FBXW12: variants seen among roughly 807,000 people sequenced by gnomAD.
FBXW12 encodes the protein F-box/WD repeat-containing protein 12.
FBXW12 carries 43 observed loss-of-function variants against 55.3 expected under a neutral mutation model. The observed-to-expected ratio is 0.78, with a 90% CI of 0.61 to 1.00. The LOEUF is 1.00. FBXW12 is among the 50% of genes least tolerant of loss of function. The pLI, the probability that FBXW12 is intolerant of heterozygous loss-of-function variation, is 0.00. For synonymous variants in FBXW12, 184 were observed against 203.8 expected, an observed-to-expected ratio of 0.90 and a Z score of 0.83; for missense variants, 524 against 560.5, an observed-to-expected ratio of 0.93 and a Z score of 0.66.
intron 5 of FBXW12, 144 bp downstream of exon 5, chr3:48,375,616 T>C (rs1560030132): frequency 3.8e-5 from 23 of 610,616 alleles, no homozygotes; most frequent in Non-Finnish European, 5.5e-5. Context: ...ATGTAATTTG[T>C]GACCTTTTCA....
At chr3:48,382,852 T>C (rs1245173133) in intron 10 of FBXW12, among the ~76,000 whole-genome samples, 1 of 152,238 alleles carries the variant, frequency 6.6e-6, no homozygotes, top group African/African-American at 2.4e-5. Flanking sequence ...TATAGTGCTT[T>C]TTTGGCAACA....
chr3:48,375,944 A>AGAT (rs1211149624), intron 5 of FBXW12, among the ~76,000 whole-genome samples: 1 of 135,570 alleles, frequency 7.4e-6, no homozygotes, highest in Admixed American at 7.7e-5. Flanking sequence ...CAAAGTGCTG[A>AGAT]GATTACAGGC....
At chr3:48,375,202 G>C in intron 4 of FBXW12, 152 bp from the exon 5 acceptor site, 1 of 597,546 alleles carries the variant, frequency 1.7e-6, no homozygotes, top group Non-Finnish European at 2.9e-6. Flanking sequence ...GTGGGAACCT[G>C]TGTTTGGATG....
At chr3:48,377,401 C>G (rs1435899182) in intron 5 of FBXW12, among the ~76,000 whole-genome samples, 1 of 152,182 alleles carries the variant, frequency 6.6e-6, no homozygotes, top group Non-Finnish European at 1.5e-5. Flanking sequence ...CTCAAGCAGC[C>G]CTCCAGAAAG....
rs373364629 is a variant in FBXW12 at position 48,372,793 on chromosome 3, C to T, written c.26C>T (p.Ala9Val). The T allele has an allele frequency of 5.0e-6, 8 of 1,614,078 alleles. No homozygotes were observed. In the Admixed American group the frequency reaches 6.7e-5, roughly 13 times the overall value. ...ATGGAGATCCGATTGCCTGACTTAG[C>T]TTTGAAGCGAATCTTCTCTTTCCTG... is the stretch of plus-strand genomic sequence containing the variant. MEIRLPDL[A>V]LKRIFSFLDL... Residue 9 changes from alanine (A) to valine (V), a missense_variant, in exon 2 of 11, where the codon GCT becomes GTT. Transcript: ENST00000296438.
chr3:48,378,623 T>C (rs2036720141), intron 6 of FBXW12, 97 bp downstream of exon 6: 5 of 979,088 alleles, frequency 5.1e-6, no homozygotes, highest in Non-Finnish European at 5.9e-6. Context: ...CTTTTTTTTT[T>C]TTTTTTTTGG....
intron 5 of FBXW12, among the ~76,000 whole-genome samples, chr3:48,376,601 A>G (rs1302149166): frequency 6.6e-6 from 1 of 152,220 alleles, no homozygotes; most frequent in Non-Finnish European, 1.5e-5. Flanking sequence ...TGAGAGAAAC[A>G]CTGTCAGCTT....
rs184490751 is a variant in FBXW12, at chr3:48,372,270, C to G, written c.-135C>G. On this transcript the variant is annotated 5_prime_UTR_variant, in exon 1 of 11. Coordinates refer to ENST00000296438, the MANE Select transcript of FBXW12 (RefSeq NM_207102.2). ...ATGCGAGAAGGTAGAAACCCAGAGG[C>G]CATGCTGGCGCTGAGAGATGAGCCC... 3.9e-6 allele frequency: 6 copies of G among 1,551,936 alleles called. No homozygotes were observed. Among genetic ancestry groups the G allele is most frequent in the Non-Finnish European group, 4.4e-6 (5 of 1,147,040 alleles).
At chr3:48,394,088 A>AT (rs1243533874) in intron 10 of FBXW12, among the ~76,000 whole-genome samples, 1 of 151,868 alleles carries the variant, frequency 6.6e-6, no homozygotes, top group Non-Finnish European at 1.5e-5. Flanking sequence ...ACAAGATAAT[A>AT]TTTTTAAAAA....
At chr3:48,393,458 T>C (rs1421637970) in intron 10 of FBXW12, among the ~76,000 whole-genome samples, 2 of 152,180 alleles carry the variant, frequency 1.3e-5, no homozygotes, top group African/African-American at 4.8e-5. Context: ...CCTGGGCTTC[T>C]GGTGGAGAGG....
chr3:48,377,413 T>G (rs1204279438), intron 5 of FBXW12, among the ~76,000 whole-genome samples: 1 of 152,134 alleles, frequency 6.6e-6, no homozygotes, highest in Non-Finnish European at 1.5e-5. Flanking sequence ...TCCAGAAAGA[T>G]CTGTGTGGTG....
intron 5 of FBXW12, among the ~76,000 whole-genome samples, chr3:48,376,845 T>C (rs1254973271): frequency 1.3e-5 from 2 of 151,146 alleles, no homozygotes; most frequent in East Asian, 1.9e-4. Flanking sequence ...ATGTTTTCTA[T>C]TGGATTTCAA....
At chr3:48,387,032 G>T (rs2036857311) in intron 10 of FBXW12, among the ~76,000 whole-genome samples, 1 of 151,412 alleles carries the variant, frequency 6.6e-6, no homozygotes, top group Admixed American at 6.6e-5. Flanking sequence ...CCACCTCCTG[G>T]GTTCAAGCGA....
At chr3:48,388,133 G>C (rs1395984934) in intron 10 of FBXW12, among the ~76,000 whole-genome samples, 1 of 152,276 alleles carries the variant, frequency 6.6e-6, no homozygotes, top group South Asian at 2.1e-4. Flanking sequence ...TAGGGCCAGA[G>C]AGCATATTCC....
chr3:48,393,341 G>A (rs148708331), intron 10 of FBXW12, among the ~76,000 whole-genome samples: 9 of 152,206 alleles, frequency 5.9e-5, no homozygotes, highest in East Asian at 3.9e-4. Context: ...GGAGATAGTC[G>A]ACAGGACTCC....
At chr3:48,391,106 CAAAAAAAAAAAAAA>C (rs587685327) in intron 10 of FBXW12, among the ~76,000 whole-genome samples, 2 of 82,906 alleles carry the variant, frequency 2.4e-5, no homozygotes, top group African/African-American at 4.5e-5. Flanking sequence ...CCTGTCTCTA[CAAAAAAAAAAAAAA>C]AAAAAAAAAA....
At chr3:48,374,779 TTTTTTTTAA>T (rs1409620515) in intron 4 of FBXW12, among the ~76,000 whole-genome samples, 1 of 141,918 alleles carries the variant, frequency 7.0e-6, no homozygotes, top group Admixed American at 7.1e-5. Flanking sequence ...TTTTTTTTTT[TTTTTTTTAA>T]AAACAGAGTC....
At chr3:48,392,875 G>A (rs2036949948) in intron 10 of FBXW12, among the ~76,000 whole-genome samples, 1 of 152,024 alleles carries the variant, frequency 6.6e-6, no homozygotes, top group African/African-American at 2.4e-5. Flanking sequence ...GAAATTCTTC[G>A]AGTTTAACCT....
chr3:48,373,796 C>T (rs2036640284), intron 4 of FBXW12, 91 bp downstream of exon 4: 1 of 1,231,060 alleles, frequency 8.1e-7, no homozygotes, highest in Non-Finnish European at 1.1e-6. Flanking sequence ...TGTGTATTCT[C>T]ATTCAGTAAA....
Sources: gnomAD v4.1 joint callset for allele counts (sites outside exome capture counted in the v4.1 genomes callset) on GRCh38, gnomAD v4.1.1 for gene constraint, MANE v1.5 for transcripts, NCBI Gene and HGNC (gene_info 2026-07-23, HGNC 2026-07-21) for gene names.